Variants in CSTF3 observed in about 807,000 individuals in gnomAD.
CSTF3 encodes the protein cleavage stimulation factor subunit 3.
A neutral mutation model predicts 105.8 loss-of-function variants in CSTF3; 29 were observed. The ratio of observed to expected loss-of-function variants is 0.27; its 90% confidence interval spans 0.20 to 0.37. CSTF3 has a LOEUF of 0.37. Ranked by LOEUF, CSTF3 falls within the 10% of genes least tolerant of loss-of-function variation. CSTF3 has a pLI of 1.00. For missense variants in CSTF3, 357 were observed against 879.3 expected (o/e 0.41, Z 7.51); for synonymous variants, 252 against 281.9 (o/e 0.89, Z 1.06).
At chr11:33,129,429 CT>C (rs1453398617) in intron 3 of CSTF3, among the ~76,000 whole-genome samples, 1 of 151,620 alleles carries the variant, frequency 6.6e-6, no homozygotes, top group Non-Finnish European at 1.5e-5. Flanking sequence ...ACATAAAAAC[CT>C]ATAAAAATAT....
At chr11:33,141,339 T>C (rs891536071) in intron 3 of CSTF3, 11 of 580,446 alleles carry the variant, frequency 1.9e-5, no homozygotes, top group African/African-American at 1.5e-4. Context: ...AGTTTGTAAG[T>C]AGGAATAAAA....
intron 1 of CSTF3, among the ~76,000 whole-genome samples, chr11:33,142,244 G>A (rs546777414): frequency 3.3e-5 from 5 of 151,896 alleles, no homozygotes; most frequent in South Asian, 2.1e-4. Context: ...CACTAAACAC[G>A]TACAGCCTTT....
chr11:33,147,201 G>A (rs1199564864), intron 1 of CSTF3, among the ~76,000 whole-genome samples: 2 of 152,128 alleles, frequency 1.3e-5, no homozygotes, highest in Admixed American at 6.5e-5. Flanking sequence ...GGACACTGAG[G>A]CAGGAAGATC....
chr11:33,122,435 T>A (rs1335878493), intron 3 of CSTF3, among the ~76,000 whole-genome samples: 4 of 152,090 alleles, frequency 2.6e-5, no homozygotes, highest in South Asian at 2.1e-4. Context: ...AGGAAAAAAA[T>A]ATATATGTAC....
At chr11:33,097,105 C>T in intron 13 of CSTF3, 127 bp from the exon 14 acceptor site, 1 of 679,588 alleles carries the variant, frequency 1.5e-6, no homozygotes, top group Admixed American at 3.7e-5. Flanking sequence ...AATCCACAAA[C>T]TAATTTTTTT....
At chr11:33,097,152 T>C (rs182745457) in intron 13 of CSTF3, among the ~76,000 whole-genome samples, 174 bp from the exon 14 acceptor site, 6 of 152,360 alleles carry the variant, frequency 3.9e-5, no homozygotes, top group African/African-American at 1.4e-4. Context: ...ATTTATTTTT[T>C]TATTGAGACA....
rs181961972 is a variant in CSTF3, at chr11:33,105,272, C to A, written c.585+295G>T. 8.3e-3 allele frequency among the ~76,000 whole-genome samples: 1,258 copies of A among 152,242 alleles called. 6 individuals are homozygous for A. Among genetic ancestry groups the A allele is most frequent in the Middle Eastern group, 0.017 (5 of 294 alleles). ...AAGGTACTATTGGAAACATAATTCC[C>A]AAAAGGTACTGTTTTATAGGTCAAT... On this transcript the variant is annotated intron_variant, in intron 8 of 20. Coordinates refer to ENST00000323959, the MANE Select transcript of CSTF3 (RefSeq NM_001326.3).
intron 17 of CSTF3, among the ~76,000 whole-genome samples, chr11:33,087,358 CAA>C (rs1461558586): frequency 6.6e-6 from 1 of 152,172 alleles, no homozygotes; most frequent in Non-Finnish European, 1.5e-5. Context: ...TTACCCCACA[CAA>C]GTTACAAGTC....
chr11:33,130,505 ATC>A (rs1403392215), intron 3 of CSTF3, among the ~76,000 whole-genome samples: 1 of 152,104 alleles, frequency 6.6e-6, no homozygotes, highest in African/African-American at 2.4e-5. Context: ...ATCATAGGGA[ATC>A]TAGTTTATCC....
intron 1 of CSTF3, among the ~76,000 whole-genome samples, chr11:33,146,000 G>A (rs1160597529): frequency 6.6e-6 from 1 of 152,142 alleles, no homozygotes; most frequent in African/African-American, 2.4e-5. Context: ...ACTTTGGGAG[G>A]CTGAGGCGAG....
intron 1 of CSTF3, among the ~76,000 whole-genome samples, chr11:33,156,463 A>G (rs1014273719): frequency 2.0e-5 from 3 of 152,142 alleles, no homozygotes; most frequent in African/African-American, 7.2e-5. Context: ...CTTATTAATA[A>G]TAAGTATATA....
intron 3 of CSTF3, among the ~76,000 whole-genome samples, chr11:33,110,253 G>A (rs1017177767): frequency 6.6e-6 from 1 of 152,174 alleles, no homozygotes; most frequent in African/African-American, 2.4e-5. Context: ...TGTAGCAGGT[G>A]TAGGCAGCAA....
Position 33,099,587 on chromosome 11 carries a change from G to A in CSTF3, c.936+21C>T. The A allele has an allele frequency of 1.4e-6, 2 of 1,455,960 alleles. No individual in the cohort carries two copies. The highest frequency in any genetic ancestry group is 2.4e-5 in the South Asian group (2 of 82,392). 90.2% of individuals were successfully genotyped at this position (1,455,960 alleles called of 1,614,324 possible). A position where few individuals can be genotyped will look rare whatever the true frequency, so the allele number is the denominator to read the frequency against. On this transcript the variant is annotated intron_variant, in intron 11 of 20. Transcript: ENST00000323959. This position sits in a 1 kb window ranked among gnomAD's most constrained non-coding sequence, Gnocchi z 4.1. Reference sequence around the variant, plus strand: ...CAAAACCACAAAAATATCAAAGTGGGGATAGGGAAGGAACACTTACTCCCT... The same window carrying A: ...CAAAACCACAAAAATATCAAAGTGGAGATAGGGAAGGAACACTTACTCCCT...
intron 3 of CSTF3, among the ~76,000 whole-genome samples, chr11:33,131,974 A>T (rs1332798238): frequency 6.6e-6 from 1 of 152,232 alleles, no homozygotes; most frequent in Non-Finnish European, 1.5e-5. Context: ...AATATAAAGC[A>T]TTTATTGAGC....
chr11:33,089,372 G>A (rs1314847754), intron 17 of CSTF3, among the ~76,000 whole-genome samples: 1 of 150,658 alleles, frequency 6.6e-6, no homozygotes, highest in African/African-American at 2.4e-5. Context: ...CAGAAACGAT[G>A]TATAGGAAAA....
Position 33,092,351 on chromosome 11 carries a change from G to T in CSTF3, c.1376-11C>A. 1 of 1,508,098 alleles carries T rather than the reference G, an allele frequency of 6.6e-7. No individual in the cohort carries two copies. Among genetic ancestry groups the T allele is most frequent in the East Asian group, 2.4e-5 (1 of 41,148 alleles). 93.4% of individuals were successfully genotyped at this position (1,508,098 alleles called of 1,614,324 possible). A position where few individuals can be genotyped will look rare whatever the true frequency, so the allele number is the denominator to read the frequency against. On this transcript the variant is annotated splice_polypyrimidine_tract_variant and intron_variant, in intron 15 of 20. Transcript: ENST00000323959. The stretch of plus-strand genomic sequence containing the variant: ...GGGTATTATTGTCCTCTAGGATATT[G>T]AAAAAGATTTTAATTTTTTTAATTC...
rs756855773 is a variant in CSTF3 at position 33,099,584 on chromosome 11, T to A, written c.936+24A>T. On this transcript the variant is annotated intron_variant, in intron 11 of 20. Transcript: ENST00000323959. This position sits in a 1 kb window ranked among gnomAD's most constrained non-coding sequence, Gnocchi z 4.1. ...TATCAAAACCACAAAAATATCAAAG[T>A]GGGGATAGGGAAGGAACACTTACTC... 1 of 1,436,006 alleles carries A rather than the reference T, an allele frequency of 7.0e-7. No individual in the cohort carries two copies. The allele number at this position is 1,436,006 out of a possible 1,614,324, so 89.0% of individuals were successfully genotyped here.
intron 1 of CSTF3, chr11:33,144,941 C>A: frequency 5.3e-6 from 1 of 190,006 alleles, no homozygotes; most frequent in Non-Finnish European, 1.1e-5. Context: ...GCCGCCACTG[C>A]ACTCGGGCCT....
intron 1 of CSTF3, among the ~76,000 whole-genome samples, chr11:33,155,471 TC>T (rs1304007437): frequency 6.6e-6 from 1 of 151,660 alleles, no homozygotes. Context: ...TGCATATTCA[TC>T]CCCTAGGAAA....
Sources: gnomAD v4.1 joint callset for allele counts (sites outside exome capture counted in the v4.1 genomes callset) on GRCh38, gnomAD v4.1.1 for gene constraint, Gnocchi (gnomAD v3.1) non-coding constraint, MANE v1.5 for transcripts, NCBI Gene and HGNC (gene_info 2026-07-23, HGNC 2026-07-21) for gene names.